The following ITGA4 variants were observed in gnomAD, a reference collection of about 807,000 sequenced individuals.
ITGA4 encodes the protein integrin subunit alpha 4, also known as integrin alpha-4.
A neutral mutation model predicts 133.6 loss-of-function variants in ITGA4; 63 were observed. The ratio of observed to expected loss-of-function variants is 0.47; its 90% confidence interval spans 0.38 to 0.58. The LOEUF is 0.58. Ranked by LOEUF, ITGA4 falls within the 20% of genes least tolerant of loss-of-function variation. ITGA4 has a pLI of 0.00. For synonymous variants in ITGA4, 483 were observed against 438.0 expected (o/e 1.10, Z -1.28); for missense variants, 1,076 against 1,252.7 (o/e 0.86, Z 2.13).
intron 24 of ITGA4, 97 bp downstream of exon 24, chr2:181,530,746 TA>T: frequency 1.8e-6 from 2 of 1,102,236 alleles, no homozygotes; most frequent in South Asian, 3.1e-5. Context: ...ACTTCAATAA[TA>T]AGAGAGAAGA....
At chr2:181,504,197 G>A (rs1686343485) in intron 15 of ITGA4, among the ~76,000 whole-genome samples, 1 of 152,050 alleles carries the variant, frequency 6.6e-6, no homozygotes, top group Non-Finnish European at 1.5e-5. Context: ...TATTCTGAGA[G>A]CCAGTGAATT....
chr2:181,480,055 T>C (rs912253622), intron 5 of ITGA4, 82 bp from the exon 6 acceptor site: 33 of 876,682 alleles, frequency 3.8e-5, no homozygotes, highest in Non-Finnish European at 5.1e-5. Context: ...AAAAATATGT[T>C]CTCTTCACTA....
At position 181,524,260 on chromosome 2, in the gene ITGA4, A is replaced by G. The variant is rs1330330173; in HGVS notation, c.2249+10A>G. 6.7e-7 allele frequency: 1 copy of G among 1,484,632 alleles called. No individual in the cohort carries two copies. The highest frequency in any genetic ancestry group is 2.0e-5 in the Admixed American group (1 of 49,656). 92.0% of individuals were successfully genotyped at this position (1,484,632 alleles called of 1,614,324 possible). On this transcript the variant is annotated intron_variant, in intron 20 of 27. Transcript: ENST00000397033. ...CAGTGCATGCTACCTGGTATAATTTATTGTTAATAAAATGAACTAGAAATA... is the reference window on the plus strand; with the variant it reads ...CAGTGCATGCTACCTGGTATAATTTGTTGTTAATAAAATGAACTAGAAATA...
intron 17 of ITGA4, among the ~76,000 whole-genome samples, chr2:181,519,373 C>T (rs961964714): frequency 2.6e-5 from 4 of 152,094 alleles, no homozygotes; most frequent in African/African-American, 9.6e-5. Flanking sequence ...GAGCTAGGTG[C>T]TTAACGCATG....
At chr2:181,496,030 G>A (rs967266743) in intron 14 of ITGA4, 93 bp downstream of exon 14, 136 of 1,291,746 alleles carry the variant, frequency 1.1e-4, no homozygotes, top group Non-Finnish European at 1.3e-4. Flanking sequence ...TTTTCACCAC[G>A]GAGATCTTCT....
chr2:181,527,896 TTAAAG>T (rs1323204228), intron 22 of ITGA4, among the ~76,000 whole-genome samples: 13 of 152,310 alleles, frequency 8.5e-5, no homozygotes, highest in South Asian at 4.1e-4. Context: ...AAATAACCTT[TTAAAG>T]TAAAGAGTAC....
At chr2:181,505,989 T>C (rs943206277) in intron 15 of ITGA4, among the ~76,000 whole-genome samples, 1 of 152,114 alleles carries the variant, frequency 6.6e-6, no homozygotes, top group African/African-American at 2.4e-5. Flanking sequence ...GATTTGGCCT[T>C]GATTTGCAGC....
chr2:181,493,076 G>A (rs931117289), intron 10 of ITGA4: 19 of 343,096 alleles, frequency 5.5e-5, no homozygotes, highest in Non-Finnish European at 9.0e-5. Context: ...TGTAGAGCCC[G>A]CGCTCTAATC....
At chr2:181,489,288 CA>C in intron 10 of ITGA4, among the ~76,000 whole-genome samples, 1 of 152,244 alleles carries the variant, frequency 6.6e-6, no homozygotes, top group Non-Finnish European at 1.5e-5. Flanking sequence ...GAAAAAAAAT[CA>C]GACTCTATTT....
chr2:181,481,984 G>C (rs934538305), intron 7 of ITGA4, among the ~76,000 whole-genome samples: 1 of 152,114 alleles, frequency 6.6e-6, no homozygotes, highest in African/African-American at 2.4e-5. Flanking sequence ...AAGAAGTTGA[G>C]GTAGCTACAT....
chr2:181,493,429 T>C lies in ITGA4; in HGVS notation c.1248+10T>C. 2.6e-6 allele frequency: 4 copies of C among 1,540,268 alleles called. No individual in the cohort carries two copies. Among genetic ancestry groups the C allele is most frequent in the East Asian group, 2.3e-5 (1 of 44,258 alleles). On this transcript the variant is annotated intron_variant, in intron 11 of 27. Transcript: ENST00000397033. ...GTCAACCTTCTCACAGGTAAGGTAC[T>C]ATTCTATTTCCAAAAGAAGCATTGG... is the stretch of plus-strand genomic sequence containing the variant.
Position 181,498,777 on chromosome 2 carries a change from G to A in ITGA4, c.1695G>A (p.Arg565=). 1 of 1,588,216 alleles carries A rather than the reference G, an allele frequency of 6.3e-7. No individual in the cohort carries two copies. The highest frequency in any genetic ancestry group is 8.6e-7 in the Non-Finnish European group (1 of 1,169,480). ...GTAGAACACATCAAGCATTTATGCG[G>A]GTAATGTAAGCTATTTTTTATTAAT... The part of the protein sequence containing the change: ...ANCRTHQAFM[R]KDVRDILTPI... The change falls in exon 15 of 28, where the codon CGG becomes CGA. Residue 565 remains arginine, a splice_region_variant and synonymous_variant. Coordinates refer to ENST00000397033, the MANE Select transcript of ITGA4 (RefSeq NM_000885.6).
At chr2:181,461,189 G>A (rs1429042034) in intron 2 of ITGA4, among the ~76,000 whole-genome samples, 1 of 147,294 alleles carries the variant, frequency 6.8e-6, no homozygotes, top group Non-Finnish European at 1.5e-5. Context: ...GCAGAAGTGA[G>A]CCTGCCTGTT....
At chr2:181,506,408 T>C (rs1686392728) in intron 15 of ITGA4, among the ~76,000 whole-genome samples, 1 of 152,050 alleles carries the variant, frequency 6.6e-6, no homozygotes, top group African/African-American at 2.4e-5. Context: ...TATTCCTATT[T>C]TCAGATAACA....
At chr2:181,524,690 CACA>C (rs912274871) in intron 20 of ITGA4, among the ~76,000 whole-genome samples, 37 of 152,120 alleles carry the variant, frequency 2.4e-4, no homozygotes, top group African/African-American at 8.7e-4. Context: ...TTTTACCTAA[CACA>C]ACAACTTGGT....
rs201662521 is a variant in ITGA4 at position 181,482,348 on chromosome 2, C to T, written c.841-12C>T. 6 of 1,589,824 alleles carry T rather than the reference C, an allele frequency of 3.8e-6. No individual in the cohort carries two copies. The highest frequency in any genetic ancestry group is 5.1e-6 in the Non-Finnish European group (6 of 1,171,190). On this transcript the variant is annotated splice_polypyrimidine_tract_variant and intron_variant, in intron 7 of 27. Coordinates refer to ENST00000397033, the MANE Select transcript of ITGA4 (RefSeq NM_000885.6). ...TTCCTAAAAACTTTTCTAATTCTTT[C>T]CCTAATTACAGGCATATATATTCAG...
chr2:181,490,626 C>T (rs923095396), intron 10 of ITGA4, among the ~76,000 whole-genome samples: 11 of 151,842 alleles, frequency 7.2e-5, no homozygotes, highest in African/African-American at 2.7e-4. Context: ...GTCTATAGAG[C>T]ATGGGAATAG....
Position 181,482,546 on chromosome 2 carries a change from T to G in ITGA4, c.936T>G (p.Ala312=), listed in dbSNP as rs749037986. ...CGTACTTTGGAGCTTCTGTCTGTGC[T>G]GTGGACCTCAATGCAGATGGCTTCT... is the stretch of plus-strand genomic sequence containing the variant. The part of the protein sequence containing the change: ...LGSYFGASVC[A]VDLNADGFSD... Residue 312 remains alanine (A), a synonymous_variant, in exon 9 of 28, where the codon GCT becomes GCG. Transcript: ENST00000397033. 6.8e-6 allele frequency: 11 copies of G among 1,613,930 alleles called. No individual in the cohort carries two copies. The highest frequency in any genetic ancestry group is 9.3e-6 in the Non-Finnish European group (11 of 1,179,844).
chr2:181,501,154 C>A (rs1024943066), intron 15 of ITGA4, among the ~76,000 whole-genome samples: 1 of 152,090 alleles, frequency 6.6e-6, no homozygotes, highest in Non-Finnish European at 1.5e-5. Flanking sequence ...AAATTGCTGG[C>A]CCCCATCTAG....
Sources: allele counts gnomAD v4.1 joint callset (sites outside exome capture counted in the v4.1 genomes callset), GRCh38; gene constraint gnomAD v4.1.1; transcripts MANE v1.5; gene names NCBI Gene and HGNC (gene_info 2026-07-23, HGNC 2026-07-21).